The following DOK6 variants were observed in gnomAD, a reference collection of about 807,000 sequenced individuals.
DOK6 encodes the protein downstream of tyrosine kinase 6.
DOK6 carries 22 observed loss-of-function variants against 44.0 expected under a neutral mutation model. The observed-to-expected ratio is 0.50, with a 90% CI of 0.36 to 0.71. The LOEUF (loss-of-function observed/expected upper bound fraction) is 0.71, where lower values mean the gene tolerates loss of function less well. Among genes scored for constraint, DOK6 ranks in the 30% least tolerant of loss-of-function variants. The pLI is 0.00. For missense variants in DOK6, 340 were observed against 416.4 expected (o/e 0.82, Z 1.60); for synonymous variants, 166 against 145.5 (o/e 1.14, Z -1.01).
chr18:69,427,041 T>G (rs12969305), intron 1 of DOK6, among the ~76,000 whole-genome samples: 26,401 of 152,064 alleles, frequency 0.17, 2,945 homozygotes, highest in Non-Finnish European at 0.25. Context: ...TTTCCCTCTA[T>G]GTGTCCATGT....
intron 4 of DOK6, among the ~76,000 whole-genome samples, chr18:69,682,100 T>C (rs188603527): frequency 4.9e-4 from 75 of 152,338 alleles, no homozygotes; most frequent in African/African-American, 1.6e-3. Flanking sequence ...CTAGTGTTGT[T>C]TCTAAATTAT....
intron 3 of DOK6, among the ~76,000 whole-genome samples, chr18:69,647,221 A>ACTC (rs57495570): frequency 0.048 from 7,234 of 151,518 alleles, 250 homozygotes; most frequent in East Asian, 0.15. Context: ...TTCATTATGT[A>ACTC]CTCCAAAGCT....
intron 1 of DOK6, among the ~76,000 whole-genome samples, chr18:69,494,837 T>C (rs1300158755): frequency 1.3e-5 from 2 of 152,232 alleles, no homozygotes; most frequent in Admixed American, 1.3e-4. Context: ...GGGTGACGCA[T>C]TTCTGGACAG....
At chr18:69,634,744 TA>T (rs2144649363) in intron 3 of DOK6, among the ~76,000 whole-genome samples, 1 of 152,224 alleles carries the variant, frequency 6.6e-6, no homozygotes, top group Non-Finnish European at 1.5e-5. Context: ...AACAGACAAG[TA>T]AACAAATAAA....
At chr18:69,470,727 A>G (rs1399702087) in intron 1 of DOK6, among the ~76,000 whole-genome samples, 2 of 152,092 alleles carry the variant, frequency 1.3e-5, no homozygotes, top group Non-Finnish European at 2.9e-5. Flanking sequence ...TATAACACAT[A>G]TATGGCCTTC....
intron 5 of DOK6, among the ~76,000 whole-genome samples, chr18:69,703,896 G>A (rs1004540242): frequency 6.6e-6 from 1 of 152,170 alleles, no homozygotes; most frequent in Non-Finnish European, 1.5e-5. Flanking sequence ...TAAGGGTGGG[G>A]TCCTAATCTG....
At chr18:69,452,119 C>A (rs1979485620) in intron 1 of DOK6, among the ~76,000 whole-genome samples, 1 of 151,842 alleles carries the variant, frequency 6.6e-6, no homozygotes, top group African/African-American at 2.4e-5. Context: ...TCAATGAATC[C>A]AGGAGCTGGT....
chr18:69,664,048 G>A (rs1036857533), intron 3 of DOK6, among the ~76,000 whole-genome samples: 1 of 152,286 alleles, frequency 6.6e-6, no homozygotes, highest in African/African-American at 2.4e-5. Context: ...GCTGTGTGAT[G>A]TTTGGATTGG....
Position 69,602,393 on chromosome 18 carries a change from C to T in DOK6, c.289+2895C>T, listed in dbSNP as rs565125379. Among the ~76,000 whole-genome samples, 5 of 152,294 alleles carry T rather than the reference C, an allele frequency of 3.3e-5. No homozygotes were observed. In the South Asian group the frequency reaches 8.3e-4, roughly 25 times the overall value. The stretch of plus-strand genomic sequence containing the variant: ...TGAAGGGACATTCTACAAATACCTG[C>T]CCAGTATTCCTCAAAACTTTCAAGG... On this transcript the variant is annotated intron_variant, in intron 3 of 7. Coordinates refer to ENST00000382713, the MANE Select transcript of DOK6 (RefSeq NM_152721.6).
intron 1 of DOK6, 87 bp downstream of exon 1, chr18:69,401,397 T>C (rs1353609113): frequency 5.1e-6 from 7 of 1,364,026 alleles, no homozygotes; most frequent in Non-Finnish European, 6.7e-6. Context: ...AGGTGACCCG[T>C]GCGGGTACAG....
At chr18:69,517,578 G>T (rs1410647287) in intron 1 of DOK6, among the ~76,000 whole-genome samples, 1 of 152,058 alleles carries the variant, frequency 6.6e-6, no homozygotes, top group Non-Finnish European at 1.5e-5. Flanking sequence ...GCTAGAAGTT[G>T]AGCTGTGTTG....
chr18:69,436,116 C>G (rs1173142424), intron 1 of DOK6, among the ~76,000 whole-genome samples: 1 of 151,954 alleles, frequency 6.6e-6, no homozygotes, highest in African/African-American at 2.4e-5. Context: ...TGATAAATCA[C>G]CGCAGCCTCT....
chr18:69,761,368 C>G (rs1029641797), intron 7 of DOK6, among the ~76,000 whole-genome samples: 1 of 152,174 alleles, frequency 6.6e-6, no homozygotes. Flanking sequence ...AGTTAACAAC[C>G]GCCTGACCAT....
chr18:69,774,581 A>G lies in DOK6; in HGVS notation c.856+16708A>G, dbSNP rs573360417. Among the ~76,000 whole-genome samples, 306 of 152,190 alleles carry G rather than the reference A, an allele frequency of 2.0e-3. 1 individual carries two copies. Among genetic ancestry groups the G allele is most frequent in the Non-Finnish European group, 3.5e-3 (239 of 67,952 alleles). On this transcript the variant is annotated intron_variant, in intron 7 of 7. Transcript: ENST00000382713. ...CTTACCACAGTTAAATTAATTTAACATTAAAAACTGAATTGTGAAAGTGGT... is the reference window on the plus strand; with the variant it reads ...CTTACCACAGTTAAATTAATTTAACGTTAAAAACTGAATTGTGAAAGTGGT...
At chr18:69,644,865 A>G (rs1985032043) in intron 3 of DOK6, among the ~76,000 whole-genome samples, 1 of 152,244 alleles carries the variant, frequency 6.6e-6, no homozygotes, top group East Asian at 1.9e-4. Flanking sequence ...AGTAAAGCAA[A>G]TCTCAGATCC....
At chr18:69,663,939 T>C (rs1985592427) in intron 3 of DOK6, among the ~76,000 whole-genome samples, 1 of 152,218 alleles carries the variant, frequency 6.6e-6, no homozygotes, top group Non-Finnish European at 1.5e-5. Flanking sequence ...ATAAAATTTC[T>C]GATTTATAAT....
chr18:69,687,934 C>A (rs138096488), intron 4 of DOK6, among the ~76,000 whole-genome samples: 1 of 151,990 alleles, frequency 6.6e-6, no homozygotes, highest in African/African-American at 2.4e-5. Flanking sequence ...ATTGTGTACT[C>A]GGAAAACCCT....
At chr18:69,622,249 A>T (rs1309870046) in intron 3 of DOK6, among the ~76,000 whole-genome samples, 3 of 152,182 alleles carry the variant, frequency 2.0e-5, no homozygotes, top group Non-Finnish European at 4.4e-5. Flanking sequence ...CAGCCCCATA[A>T]AGAGAGAAAA....
intron 1 of DOK6, among the ~76,000 whole-genome samples, chr18:69,557,507 T>C (rs1194792764): frequency 6.6e-6 from 1 of 152,142 alleles, no homozygotes; most frequent in Admixed American, 6.6e-5. Context: ...GAGATTGCTA[T>C]GCGGTAAAAT....
Sources: allele counts gnomAD v4.1 joint callset (sites outside exome capture counted in the v4.1 genomes callset), GRCh38; gene constraint gnomAD v4.1.1; transcripts MANE v1.5; gene names NCBI Gene and HGNC (gene_info 2026-07-23, HGNC 2026-07-21).